GRID2IP: variants seen among roughly 807,000 people sequenced by gnomAD.
GRID2IP encodes delphilin.
A neutral mutation model predicts 114.3 loss-of-function variants in GRID2IP; 78 were observed. The ratio of observed to expected loss-of-function variants is 0.68; its 90% CI spans 0.57 to 0.82. The LOEUF is 0.82. GRID2IP is among the 40% of genes least tolerant of loss of function. The probability of loss-of-function intolerance (pLI) is 0.00; values close to 1 mark genes in which losing one functional copy is unlikely to be tolerated. For synonymous variants in GRID2IP, 809 were observed against 724.0 expected, an observed-to-expected ratio of 1.12 and a Z score of -1.89; for missense variants, 1,727 against 1,678.5, an observed-to-expected ratio of 1.03 and a Z score of -0.51.
rs1036442699 is a variant in GRID2IP at position 6,534,785 on chromosome 7, C to T, written c.584+4933G>A. 2.0e-5 allele frequency among the ~76,000 whole-genome samples: 3 copies of T among 152,036 alleles called. No homozygotes were observed. The highest frequency in any genetic ancestry group is 4.4e-5 in the Non-Finnish European group (3 of 67,996). ...GCTGGAGTGCAGTGGCTTGTTCTCACCTCACTGCAACCTCCACCTCCCGGG... is the reference window on the plus strand; with the variant it reads ...GCTGGAGTGCAGTGGCTTGTTCTCATCTCACTGCAACCTCCACCTCCCGGG... On this transcript the variant is annotated intron_variant, in intron 2 of 21. Coordinates refer to ENST00000457091, the MANE Select transcript of GRID2IP (RefSeq NM_001145118.2). The surrounding 1 kb of genome is among the most constrained non-coding windows in gnomAD (Gnocchi z 4.5).
intron 1 of GRID2IP, among the ~76,000 whole-genome samples, chr7:6,540,562 C>G (rs1334111788): frequency 6.6e-6 from 1 of 151,130 alleles, no homozygotes; most frequent in Non-Finnish European, 1.5e-5. Flanking sequence ...ACTCTGCCAC[C>G]CAGGCTGGGG....
intron 1 of GRID2IP, among the ~76,000 whole-genome samples, chr7:6,540,744 T>C (rs1253687903): frequency 1.4e-5 from 2 of 145,150 alleles, no homozygotes; most frequent in South Asian, 2.2e-4. Flanking sequence ...TTGGCCAGGC[T>C]GGTCTCAAAC....
At chr7:6,548,211 G>T (rs1779916068) in intron 1 of GRID2IP, among the ~76,000 whole-genome samples, 1 of 152,076 alleles carries the variant, frequency 6.6e-6, no homozygotes, top group Non-Finnish European at 1.5e-5. Context: ...AAATTAGCCA[G>T]GCATGGTGGT....
intron 8 of GRID2IP, among the ~76,000 whole-genome samples, chr7:6,512,148 C>T (rs1779181453): frequency 6.6e-6 from 1 of 151,446 alleles, no homozygotes; most frequent in South Asian, 2.1e-4. Flanking sequence ...AACTCCTAAC[C>T]TCAGGTGATC....
intron 2 of GRID2IP, among the ~76,000 whole-genome samples, chr7:6,529,771 G>A (rs13308709): frequency 0.85 from 128,645 of 152,060 alleles, 55,031 homozygotes; most frequent in Non-Finnish European, 0.88. Flanking sequence ...CTGGACTCTG[G>A]AGTCCCTGCT....
chr7:6,519,103 G>A lies in GRID2IP; in HGVS notation c.1268+1475C>T, dbSNP rs147813801. ...CCAGCTAATTTTTTCTTTTTGTAGA[G>A]ATGGCTTCTTGCTCTGTTGCCCAGA... On this transcript the variant is annotated intron_variant, in intron 7 of 21. Transcript: ENST00000457091. This position sits in a 1 kb window ranked among gnomAD's most constrained non-coding sequence, Gnocchi z 4.1. Among the ~76,000 whole-genome samples, 67 of 152,080 alleles carry A rather than the reference G, an allele frequency of 4.4e-4. 3 individuals are homozygous for A. Among genetic ancestry groups the A allele is most frequent in the African/African-American group, 1.5e-3 (61 of 41,504 alleles).
At position 6,520,869 on chromosome 7, in the gene GRID2IP, G is replaced by T; in HGVS notation, c.1085-108C>A. On this transcript the variant is annotated intron_variant, in intron 6 of 21. Coordinates refer to ENST00000457091, the MANE Select transcript of GRID2IP (RefSeq NM_001145118.2). The surrounding 1 kb of genome is among the most constrained non-coding windows in gnomAD (Gnocchi z 4.6). ...AGACCTCCTGAGCTGGGGTGTGGCT[G>T]TCCAGTGCCATGCATGGGAAGGCAT... is the stretch of plus-strand genomic sequence containing the variant. The T allele has an allele frequency of 9.5e-7, 1 of 1,056,454 alleles. No individual in the cohort carries two copies. Among genetic ancestry groups the T allele is most frequent in the Non-Finnish European group, 1.4e-6 (1 of 736,528 alleles). 65.4% of individuals were successfully genotyped at this position (1,056,454 alleles called of 1,614,324 possible). A position where few individuals can be genotyped will look rare whatever the true frequency, so the allele number is the denominator to read the frequency against.
At chr7:6,537,731 A>ACGCACCTGAAGT (rs1408654461) in intron 2 of GRID2IP, among the ~76,000 whole-genome samples, 1 of 151,302 alleles carries the variant, frequency 6.6e-6, no homozygotes, top group Non-Finnish European at 1.5e-5. Flanking sequence ...GCATCGTGGC[A>ACGCACCTGAAGT]CCCAGCTACT....
At chr7:6,501,496 G>A (rs982518271) in intron 20 of GRID2IP, among the ~76,000 whole-genome samples, 9 of 152,180 alleles carry the variant, frequency 5.9e-5, no homozygotes, top group South Asian at 4.1e-4. Context: ...GAGCCCAGGA[G>A]TTTTAGACCA....
chr7:6,527,650 C>T lies in GRID2IP; in HGVS notation c.585-881G>A, dbSNP rs571040271. Among the ~76,000 whole-genome samples, 5 of 149,362 alleles carry T rather than the reference C, an allele frequency of 3.3e-5. No individual in the cohort carries two copies. In the East Asian group the frequency reaches 9.7e-4, roughly 29 times the overall value. ...TCTCCCAGACTACAGTACAGTGGCACGATCATAGCACGATCATAGCTCATT... is the reference window on the plus strand; with the variant it reads ...TCTCCCAGACTACAGTACAGTGGCATGATCATAGCACGATCATAGCTCATT... On this transcript the variant is annotated intron_variant, in intron 2 of 21. Transcript: ENST00000457091.
chr7:6,533,541 G>A (rs980497824), intron 2 of GRID2IP, among the ~76,000 whole-genome samples: 2 of 150,802 alleles, frequency 1.3e-5, no homozygotes, highest in Non-Finnish European at 3.0e-5. Flanking sequence ...TAATTTTTTT[G>A]TGTGTAAACA....
In GRID2IP at chr7:6,516,620, C is replaced by T. The variant is rs1472529689; in HGVS notation, c.1269-2091G>A. On this transcript the variant is annotated intron_variant, in intron 7 of 21. Transcript: ENST00000457091. This position sits in a 1 kb window ranked among gnomAD's most constrained non-coding sequence, Gnocchi z 4.3. ...GGAGTTAAAGAAGACTCTGCTCCAC[C>T]ACTGCTTGCCCGCCCGCAGCCACCC... Among the ~76,000 whole-genome samples, 1 of 152,104 alleles carries T rather than the reference C, an allele frequency of 6.6e-6. No homozygotes were observed. The highest frequency in any genetic ancestry group is 2.4e-5 in the African/African-American group (1 of 41,424).
At chr7:6,514,306 TCTGTTCAC>T (rs1325311448) in intron 8 of GRID2IP, 61 bp downstream of exon 8, 93 of 1,295,476 alleles carry the variant, frequency 7.2e-5, no homozygotes, top group Non-Finnish European at 7.3e-5. Context: ...CAGGTGTCTG[TCTGTTCAC>T]CTGGTGAGCT....
rs1189874923 is a variant in GRID2IP at position 6,519,693 on chromosome 7, G to C, written c.1268+885C>G. Among the ~76,000 whole-genome samples, 2 of 151,970 alleles carry C rather than the reference G, an allele frequency of 1.3e-5. No homozygotes were observed. The highest frequency in any genetic ancestry group is 2.9e-5 in the Non-Finnish European group (2 of 68,012). ...AATCGCTTGAGTCCGGGAGGTGGGG[G>C]TTGCGGTGAGCCGAGATCGCACCAC... On this transcript the variant is annotated intron_variant, in intron 7 of 21. Coordinates refer to ENST00000457091, the MANE Select transcript of GRID2IP (RefSeq NM_001145118.2). The surrounding 1 kb of genome is among the most constrained non-coding windows in gnomAD (Gnocchi z 4.1).
At chr7:6,527,369 C>T (rs1409463853) in intron 2 of GRID2IP, among the ~76,000 whole-genome samples, 1 of 152,182 alleles carries the variant, frequency 6.6e-6, no homozygotes, top group Non-Finnish European at 1.5e-5. Flanking sequence ...CACTCCTTTG[C>T]TTCCTTAGCT....
intron 10 of GRID2IP, 46 bp from the exon 11 acceptor site, chr7:6,510,446 T>C (rs1786742866): frequency 7.0e-7 from 1 of 1,430,396 alleles, no homozygotes; most frequent in African/African-American, 1.4e-5. Flanking sequence ...CTTCCCCTCG[T>C]AGCCCTAATG....
rs1583343712 is a variant in GRID2IP at position 6,519,688 on chromosome 7, T to C, written c.1268+890A>G. On this transcript the variant is annotated intron_variant, in intron 7 of 21. Coordinates refer to ENST00000457091, the MANE Select transcript of GRID2IP (RefSeq NM_001145118.2). This position sits in a 1 kb window ranked among gnomAD's most constrained non-coding sequence, Gnocchi z 4.1. ...AGGAGAATCGCTTGAGTCCGGGAGG[T>C]GGGGGTTGCGGTGAGCCGAGATCGC... Among the ~76,000 whole-genome samples the C allele has an allele frequency of 6.7e-6, 1 of 148,804 alleles. No individual in the cohort carries two copies. The highest frequency in any genetic ancestry group is 6.7e-5 in the Admixed American group (1 of 14,892).
At chr7:6,514,318 G>A in intron 8 of GRID2IP, 57 bp downstream of exon 8, 12 of 1,384,650 alleles carry the variant, frequency 8.7e-6, no homozygotes, top group Non-Finnish European at 1.1e-5. Flanking sequence ...TGTTCACCTG[G>A]TGAGCTGGAC....
chr7:6,540,108 C>A (rs1779790536), intron 1 of GRID2IP, among the ~76,000 whole-genome samples: 1 of 149,582 alleles, frequency 6.7e-6, no homozygotes. Flanking sequence ...CCTCCCCTCC[C>A]CTCCCTTCCC....
Sources: allele counts gnomAD v4.1 joint callset (sites outside exome capture counted in the v4.1 genomes callset), GRCh38; gene constraint gnomAD v4.1.1; non-coding constraint Gnocchi (gnomAD v3.1); transcripts MANE v1.5; gene names NCBI Gene and HGNC (gene_info 2026-07-23, HGNC 2026-07-21).